The following COL25A1 variants were observed in gnomAD, a reference collection of about 807,000 sequenced individuals.
COL25A1 encodes the protein collagen alpha-1(XXV) chain.
In COL25A1, 103 loss-of-function variants were observed where a neutral mutation model predicts 128.4. That is an observed-to-expected ratio of 0.80 (90% CI 0.68 to 0.94). The LOEUF (loss-of-function observed/expected upper bound fraction) is 0.94. Among genes scored for constraint, COL25A1 ranks in the 40% least tolerant of loss-of-function variants. The probability of loss-of-function intolerance (pLI) is 0.00; values close to 1 mark genes in which losing one functional copy is unlikely to be tolerated. For synonymous variants in COL25A1, 279 were observed against 277.2 expected, an observed-to-expected ratio of 1.01 and a Z score of -0.06; for missense variants, 745 against 840.0, an observed-to-expected ratio of 0.89 and a Z score of 1.40.
At chr4:109,223,260 C>T (rs887383816) in intron 3 of COL25A1, among the ~76,000 whole-genome samples, 8 of 152,262 alleles carry the variant, frequency 5.3e-5, no homozygotes, top group African/African-American at 1.9e-4. Context: ...CCAATGTGGA[C>T]TTACCCAAAA....
chr4:109,007,137 G>T (rs1365753537), intron 6 of COL25A1, among the ~76,000 whole-genome samples: 1 of 152,066 alleles, frequency 6.6e-6, no homozygotes, highest in Non-Finnish European at 1.5e-5. Context: ...TCAGTTTAAG[G>T]TCCACTTTTT....
intron 3 of COL25A1, among the ~76,000 whole-genome samples, chr4:109,063,571 G>A (rs554292960): frequency 6.6e-6 from 1 of 152,022 alleles, no homozygotes; most frequent in South Asian, 2.1e-4. Context: ...CCCCAGTGCA[G>A]TGGTTCACAT....
intron 3 of COL25A1, among the ~76,000 whole-genome samples, chr4:109,067,448 A>C (rs965042587): frequency 6.6e-6 from 1 of 152,196 alleles, no homozygotes; most frequent in African/African-American, 2.4e-5. Flanking sequence ...AATTGAAAAT[A>C]TTTTTGTCTT....
chr4:109,110,731 G>A (rs1044756318), intron 3 of COL25A1, among the ~76,000 whole-genome samples: 5 of 152,004 alleles, frequency 3.3e-5, no homozygotes, highest in African/African-American at 1.2e-4. Context: ...TGGTGCAATT[G>A]TCTACCCAGA....
intron 3 of COL25A1, among the ~76,000 whole-genome samples, chr4:109,196,169 C>T (rs867642419): frequency 2.6e-5 from 4 of 152,062 alleles, no homozygotes; most frequent in African/African-American, 7.2e-5. Context: ...ACATCCATTA[C>T]GGGGAGACGA....
intron 20 of COL25A1, among the ~76,000 whole-genome samples, chr4:108,863,677 G>A (rs1001351469): frequency 2.0e-5 from 3 of 152,196 alleles, no homozygotes; most frequent in African/African-American, 7.2e-5. Flanking sequence ...AGATTGGCAG[G>A]TGAGTCTGTT....
chr4:109,088,156 T>C (rs1254766659), intron 3 of COL25A1, among the ~76,000 whole-genome samples: 1 of 152,056 alleles, frequency 6.6e-6, no homozygotes, highest in Non-Finnish European at 1.5e-5. Context: ...TTTTTAAGTT[T>C]TAATTTTATC....
At chr4:109,103,723 C>T (rs928088266) in intron 3 of COL25A1, among the ~76,000 whole-genome samples, 1 of 152,152 alleles carries the variant, frequency 6.6e-6, no homozygotes, top group Admixed American at 6.5e-5. Context: ...AGCATCTTGT[C>T]ATGGAAGCTA....
At chr4:108,942,129 G>A in intron 8 of COL25A1, 1 of 1,427,064 alleles carries the variant, frequency 7.0e-7, no homozygotes, top group Non-Finnish European at 9.6e-7. Context: ...AACGGGCTCG[G>A]CAAGCCAATT....
Position 109,192,344 on chromosome 4 carries a change from C to A in COL25A1, c.367+108239G>T, listed in dbSNP as rs1039725340. ...GAGAATTGGGAGTGGGGGGCTGCAA[C>A]AGTCTAGATAAAAGTGATGAACTGA... On this transcript the variant is annotated intron_variant, in intron 3 of 37. Transcript: ENST00000399132. Among the ~76,000 whole-genome samples, 7 of 152,108 alleles carry A rather than the reference C, an allele frequency of 4.6e-5. No homozygotes were observed. The East Asian group carries it at 7.7e-4, about 17-fold the overall frequency.
intron 5 of COL25A1, among the ~76,000 whole-genome samples, chr4:109,012,291 T>G (rs1756673467): frequency 6.6e-6 from 1 of 152,258 alleles, no homozygotes; most frequent in African/African-American, 2.4e-5. Context: ...ATCCATGTAC[T>G]GGGTGAAATT....
chr4:109,122,770 G>C (rs1025887984), intron 3 of COL25A1, among the ~76,000 whole-genome samples: 2 of 152,192 alleles, frequency 1.3e-5, no homozygotes, highest in Admixed American at 1.3e-4. Flanking sequence ...ATAACCAAAA[G>C]TATATTTGAC....
chr4:108,860,893 A>G, intron 23 of COL25A1, 34 bp downstream of exon 23: 1 of 1,601,922 alleles, frequency 6.2e-7, no homozygotes, highest in Non-Finnish European at 8.6e-7. Context: ...GATTGTAGGG[A>G]GCAAAAGTTT....
At chr4:109,113,705 C>G (rs1045389145) in intron 3 of COL25A1, among the ~76,000 whole-genome samples, 1 of 152,008 alleles carries the variant, frequency 6.6e-6, no homozygotes, top group African/African-American at 2.4e-5. Flanking sequence ...AAGAGACTGT[C>G]CTTATGGTAA....
At chr4:109,109,901 A>G (rs1298506670) in intron 3 of COL25A1, among the ~76,000 whole-genome samples, 1 of 152,190 alleles carries the variant, frequency 6.6e-6, no homozygotes, top group Non-Finnish European at 1.5e-5. Context: ...AGACACACAT[A>G]TCAGCTTTCT....
At chr4:109,190,153 G>A (rs1326655508) in intron 3 of COL25A1, among the ~76,000 whole-genome samples, 2 of 152,022 alleles carry the variant, frequency 1.3e-5, no homozygotes, top group Non-Finnish European at 2.9e-5. Flanking sequence ...TAATATGTTT[G>A]TAGACCAAAG....
intron 4 of COL25A1, among the ~76,000 whole-genome samples, chr4:109,048,749 C>T (rs1448937468): frequency 6.6e-6 from 1 of 152,060 alleles, no homozygotes; most frequent in Non-Finnish European, 1.5e-5. Context: ...AATACTAGTT[C>T]TAAGTAGCTA....
Position 109,057,267 on chromosome 4 carries a change from TTTTA to T in COL25A1, c.368-7092_368-7089del, listed in dbSNP as rs529563418. The stretch of plus-strand genomic sequence containing the variant: ...TTATTTGTTTCTGTAATTTTTTCAA[TTTTA>T]TTTATTTACTTATTGGGACAGAGTC... On this transcript the variant is annotated intron_variant, in intron 3 of 37. Transcript: ENST00000399132. Among the ~76,000 whole-genome samples, 105 of 152,098 alleles carry T rather than the reference TTTTA, an allele frequency of 6.9e-4. 1 individual carries two copies. Among genetic ancestry groups the T allele is most frequent in the African/African-American group, 2.5e-3 (102 of 41,510 alleles).
intron 3 of COL25A1, among the ~76,000 whole-genome samples, chr4:109,067,530 A>T (rs1762553903): frequency 1.3e-5 from 2 of 152,222 alleles, no homozygotes; most frequent in African/African-American, 2.4e-5. Flanking sequence ...TTGGTGCCAG[A>T]CAGGAACCTA....
Sources: allele counts gnomAD v4.1 joint callset (sites outside exome capture counted in the v4.1 genomes callset), GRCh38; gene constraint gnomAD v4.1.1; transcripts MANE v1.5; gene names NCBI Gene and HGNC (gene_info 2026-07-23, HGNC 2026-07-21).